The following RAPGEF2 variants were observed in gnomAD, a reference collection of about 807,000 sequenced individuals.
The protein encoded by RAPGEF2 is PDZ domain containing guanine nucleotide exchange factor (GEF) 1.
A neutral mutation model predicts 186.7 loss-of-function variants in RAPGEF2; 54 were observed. The observed-to-expected ratio is 0.29, with a 90% CI of 0.23 to 0.36. RAPGEF2 has a LOEUF of 0.36. RAPGEF2 is among the 10% of genes least tolerant of loss of function. The pLI is 1.00. For synonymous variants in RAPGEF2, 712 were observed against 705.9 expected (o/e 1.01, Z -0.14); for missense variants, 1,532 against 2,045.0 (o/e 0.75, Z 4.84).
intron 4 of RAPGEF2, among the ~76,000 whole-genome samples, chr4:159,217,665 A>G (rs1348117201): frequency 3.3e-5 from 5 of 152,176 alleles, no homozygotes; most frequent in Admixed American, 2.0e-4. Flanking sequence ...TCCTTTGGTT[A>G]TATACCCAGT....
Position 159,323,603 on chromosome 4 carries a change from G to GC in RAPGEF2, c.1135_1136insC (p.Val379AlafsTer3). On this transcript the variant is annotated frameshift_variant, in exon 11 of 30. Coordinates refer to ENST00000691494, the MANE Select transcript of RAPGEF2 (RefSeq NM_001394067.2). LOFTEE classifies it high-confidence loss of function. ...CATGAAAGGAGTGATGAGAACAAAG[G>GC]TGGATGACTGCCAGGTATAAAATAT... 1 of 1,574,368 alleles carries GC rather than the reference G, an allele frequency of 6.4e-7. No homozygotes were observed. The highest frequency in any genetic ancestry group is 8.6e-7 in the Non-Finnish European group (1 of 1,159,610).
chr4:159,319,831 G>A (rs895818083), intron 9 of RAPGEF2, among the ~76,000 whole-genome samples: 4 of 151,528 alleles, frequency 2.6e-5, no homozygotes, highest in African/African-American at 7.3e-5. Flanking sequence ...CCCACTAATA[G>A]ATTAAGAGTC....
At chr4:159,290,820 T>C (rs1761106696) in intron 7 of RAPGEF2, among the ~76,000 whole-genome samples, 1 of 152,140 alleles carries the variant, frequency 6.6e-6, no homozygotes, top group Admixed American at 6.5e-5. Context: ...TGAGTATATA[T>C]TCCTGCTGGC....
intron 3 of RAPGEF2, among the ~76,000 whole-genome samples, chr4:159,202,703 G>A (rs1176425970): frequency 1.3e-5 from 2 of 152,200 alleles, no homozygotes; most frequent in Admixed American, 6.5e-5. Flanking sequence ...CTGGGTTCAA[G>A]CGATTCTCTT....
At chr4:159,251,882 G>T (rs950462413) in intron 7 of RAPGEF2, among the ~76,000 whole-genome samples, 4 of 151,692 alleles carry the variant, frequency 2.6e-5, no homozygotes, top group Non-Finnish European at 5.9e-5. Context: ...CGTTTCCACA[G>T]CGTGGAGTAA....
chr4:159,166,476 G>A (rs569010827), intron 1 of RAPGEF2, among the ~76,000 whole-genome samples: 1 of 152,282 alleles, frequency 6.6e-6, no homozygotes, highest in Non-Finnish European at 1.5e-5. Flanking sequence ...GATCAGACAT[G>A]CATTTTTACC....
intron 1 of RAPGEF2, among the ~76,000 whole-genome samples, chr4:159,176,915 T>C (rs1271502550): frequency 6.6e-6 from 1 of 152,208 alleles, no homozygotes; most frequent in Non-Finnish European, 1.5e-5. Flanking sequence ...AAACTTACAT[T>C]AGAGAGGAAA....
intron 24 of RAPGEF2, 56 bp from the exon 25 acceptor site, chr4:159,346,733 A>C: frequency 1.4e-6 from 2 of 1,411,322 alleles, no homozygotes; most frequent in Non-Finnish European, 2.0e-6. Context: ...TATCTTCTAC[A>C]TACCTACTAG....
rs867460630 is a variant in RAPGEF2, at chr4:159,339,308, C to G, written c.2488C>G (p.Pro830Ala). 2 of 1,613,926 alleles carry G rather than the reference C, an allele frequency of 1.2e-6. No individual in the cohort carries two copies. Among genetic ancestry groups the G allele is most frequent in the Non-Finnish European group, 1.7e-6 (2 of 1,179,980 alleles). Reference protein sequence around the residue: ...PEGVIKQRRLPDQLSKLADRI... With the variant: ...PEGVIKQRRLADQLSKLADRI... ...GGGAGTAATCAAACAAAGAAGACTTCCAGATCAGCTTTCCAAACTTGCAGA... is the reference window on the plus strand; with the variant it reads ...GGGAGTAATCAAACAAAGAAGACTTGCAGATCAGCTTTCCAAACTTGCAGA... Residue 830 changes from proline to alanine, a missense_variant, in exon 19 of 30, where the codon CCA becomes GCA. Pro to Ala is a conservative substitution (Grantham distance 27). Coordinates refer to ENST00000691494, the MANE Select transcript of RAPGEF2 (RefSeq NM_001394067.2).
In RAPGEF2 at chr4:159,332,596, A is replaced by C. The variant is rs1343537316; in HGVS notation, c.2034A>C (p.Lys678Asn). 1 of 1,614,192 alleles carries C rather than the reference A, an allele frequency of 6.2e-7. No individual in the cohort carries two copies. The highest frequency in any genetic ancestry group is 1.3e-5 in the African/African-American group (1 of 75,064). Residue 678 changes from lysine (K) to asparagine (N), a missense_variant, in exon 17 of 30, where the codon AAA (lysine) becomes AAC (asparagine). Physicochemically the swap from Lys to Asn is moderately conservative, Grantham distance 94 (BLOSUM62 0). This residue lies in a region of RAPGEF2 where 810 missense variants were observed against 1,210.5 expected (regional missense o/e 0.67). Transcript: ENST00000691494. ...TAGAACAGGTGATAGGACTTGAAAA[A>C]GTGAACAAAAAAAGTAAAGCCAACA... ...VDVEQVIGLEKVNKKSKANTV... is the reference protein window; with the variant it reads ...VDVEQVIGLENVNKKSKANTV...
At chr4:159,120,174 C>A (rs1739502547) in intron 1 of RAPGEF2, among the ~76,000 whole-genome samples, 1 of 152,146 alleles carries the variant, frequency 6.6e-6, no homozygotes, top group Non-Finnish European at 1.5e-5. Context: ...TGTATGCCAC[C>A]ACACCTGGCT....
At chr4:159,207,916 A>C (rs1016019718) in intron 3 of RAPGEF2, among the ~76,000 whole-genome samples, 1 of 152,242 alleles carries the variant, frequency 6.6e-6, no homozygotes, top group African/African-American at 2.4e-5. Flanking sequence ...AGTTTTTTTC[A>C]CAAACCAAAC....
At chr4:159,197,287 C>G (rs1316230740) in intron 3 of RAPGEF2, among the ~76,000 whole-genome samples, 1 of 152,194 alleles carries the variant, frequency 6.6e-6, no homozygotes, top group Non-Finnish European at 1.5e-5. Context: ...GGAAACTGAT[C>G]TGCTTTAGTT....
At chr4:159,332,930 T>C (rs143109896) in intron 17 of RAPGEF2, 432 of 318,834 alleles carry the variant, frequency 1.4e-3, no homozygotes, top group Middle Eastern at 3.5e-3. Context: ...ATTTGAACTA[T>C]TTTTTGGGGG....
intron 2 of RAPGEF2, among the ~76,000 whole-genome samples, chr4:159,189,577 A>G (rs974069169): frequency 6.6e-6 from 1 of 152,214 alleles, no homozygotes; most frequent in South Asian, 2.1e-4. Flanking sequence ...AAAATAATAC[A>G]TATTTTCTGC....
Position 159,322,280 on chromosome 4 carries a change from A to C in RAPGEF2, c.854-67A>C, listed in dbSNP as rs960172082. On this transcript the variant is annotated intron_variant, in intron 9 of 29. Coordinates refer to ENST00000691494, the MANE Select transcript of RAPGEF2 (RefSeq NM_001394067.2). ...ATTTAAAAAGAAAGGACCCTAAAACATTCTTTTTGAATACTTGTTTTTAAT... is the reference window on the plus strand; with the variant it reads ...ATTTAAAAAGAAAGGACCCTAAAACCTTCTTTTTGAATACTTGTTTTTAAT... 4 of 1,488,688 alleles carry C rather than the reference A, an allele frequency of 2.7e-6. No homozygotes were observed. In the African/African-American group the frequency reaches 5.6e-5, roughly 21 times the overall value. 92.2% of individuals were successfully genotyped at this position (1,488,688 alleles called of 1,614,324 possible). A position where few individuals can be genotyped will look rare whatever the true frequency, so the allele number is the denominator to read the frequency against.
At chr4:159,149,815 T>G (rs1453590221) in intron 1 of RAPGEF2, among the ~76,000 whole-genome samples, 2 of 152,198 alleles carry the variant, frequency 1.3e-5, no homozygotes, top group Admixed American at 6.5e-5. Context: ...GTTTTACCCA[T>G]TGTTTGTTTT....
At chr4:159,164,243 A>G (rs959813175) in intron 1 of RAPGEF2, among the ~76,000 whole-genome samples, 1 of 150,320 alleles carries the variant, frequency 6.7e-6, no homozygotes, top group Non-Finnish European at 1.5e-5. Context: ...TGACCTTGTG[A>G]TCCGCCCGCC....
chr4:159,241,163 T>C (rs11944449), intron 5 of RAPGEF2, 38 bp from the exon 6 acceptor site: 825,373 of 1,399,804 alleles, frequency 0.59, 250,641 homozygotes, highest in African/African-American at 0.74. Flanking sequence ...GGAAATGTTG[T>C]GTTTGGAGAA....
Sources: allele counts gnomAD v4.1 joint callset (sites outside exome capture counted in the v4.1 genomes callset), GRCh38; gene constraint gnomAD v4.1.1; regional missense constraint gnomAD v4.1.1; transcripts MANE v1.5; gene names NCBI Gene and HGNC (gene_info 2026-07-23, HGNC 2026-07-21).